TFAP2D: variants seen among roughly 807,000 people sequenced by gnomAD.
The protein encoded by TFAP2D is transcription factor AP-2 delta, also known as transcription factor AP-2-delta.
Under a neutral mutation model 43.6 loss-of-function variants are expected in TFAP2D, and 9 were observed. The ratio of observed to expected loss-of-function variants is 0.21; its 90% CI spans 0.12 to 0.36. The LOEUF (loss-of-function observed/expected upper bound fraction) is 0.36. TFAP2D is among the 10% of genes least tolerant of loss of function. The pLI is 1.00. For synonymous variants in TFAP2D, 256 were observed against 224.9 expected, an observed-to-expected ratio of 1.14 and a Z score of -1.24; for missense variants, 513 against 561.4, an observed-to-expected ratio of 0.91 and a Z score of 0.87.
chr6:50,741,311 A>G (rs1398036681), intron 5 of TFAP2D, among the ~76,000 whole-genome samples: 1 of 152,170 alleles, frequency 6.6e-6, no homozygotes, highest in African/African-American at 2.4e-5. Flanking sequence ...TTTTAAGTTC[A>G]GGGGTACAAA....
intron 5 of TFAP2D, among the ~76,000 whole-genome samples, chr6:50,741,003 G>A (rs1769035745): frequency 6.6e-6 from 1 of 151,848 alleles, no homozygotes; most frequent in African/African-American, 2.4e-5. Context: ...AAATCAACGA[G>A]CAAATTTATC....
chr6:50,766,349 T>C (rs1462710870), intron 7 of TFAP2D, among the ~76,000 whole-genome samples: 1 of 152,194 alleles, frequency 6.6e-6, no homozygotes, highest in Non-Finnish European at 1.5e-5. Flanking sequence ...ATTTAGGGTC[T>C]TTCATGGTTC....
rs1441062524 is a variant in TFAP2D, at chr6:50,772,896, C to T, written c.*32C>T. 1 of 1,567,918 alleles carries T rather than the reference C, an allele frequency of 6.4e-7. No individual in the cohort carries two copies. Among genetic ancestry groups the T allele is most frequent in the Non-Finnish European group, 8.7e-7 (1 of 1,153,386 alleles). On this transcript the variant is annotated 3_prime_UTR_variant, in exon 8 of 8. Transcript: ENST00000008391. ...CAAACAGAATCTATTTCCAGAGAGTCTTGCTGCTGATATTTTTTCTAATAT... is the reference window on the plus strand; with the variant it reads ...CAAACAGAATCTATTTCCAGAGAGTTTTGCTGCTGATATTTTTTCTAATAT...
chr6:50,763,751 T>C (rs889325863), intron 7 of TFAP2D, among the ~76,000 whole-genome samples: 2 of 152,100 alleles, frequency 1.3e-5, no homozygotes, highest in African/African-American at 4.8e-5. Context: ...AAGCCAGTCA[T>C]GAAAGTCTAT....
chr6:50,744,380 T>A (rs1581770037), intron 5 of TFAP2D, among the ~76,000 whole-genome samples: 1 of 151,952 alleles, frequency 6.6e-6, no homozygotes, highest in East Asian at 1.9e-4. Context: ...TCATTCTGTT[T>A]CTGGCTGCAT....
At chr6:50,725,147 A>G (rs1251664992) in intron 3 of TFAP2D, among the ~76,000 whole-genome samples, 1 of 152,176 alleles carries the variant, frequency 6.6e-6, no homozygotes, top group African/African-American at 2.4e-5. Flanking sequence ...TGCTTCTTCA[A>G]ACCGAATAAG....
rs1768569302 is a variant in TFAP2D, at chr6:50,713,910, GC to G, written c.-145del. On this transcript the variant is annotated 5_prime_UTR_variant, in exon 1 of 8. It removes the in-frame stop codon of an upstream open reading frame in the 5' UTR. Transcript: ENST00000008391. ...CGAGGCAAGGAGCTATCTGATCCGGGCAAAACCATTACAATTTAGATATCTA... is the reference window on the plus strand; with the variant it reads ...CGAGGCAAGGAGCTATCTGATCCGGGAAAACCATTACAATTTAGATATCTA... 7.8e-7 allele frequency: 1 copy of G among 1,281,690 alleles called. No homozygotes were observed. The highest frequency in any genetic ancestry group is 1.1e-6 in the Non-Finnish European group (1 of 903,612). The allele number at this position is 1,281,690 out of a possible 1,614,324, so 79.4% of individuals were successfully genotyped here. A position where few individuals can be genotyped will look rare whatever the true frequency, so the allele number is the denominator to read the frequency against.
At chr6:50,726,827 G>A (rs553887242) in intron 3 of TFAP2D, among the ~76,000 whole-genome samples, 1 of 152,244 alleles carries the variant, frequency 6.6e-6, no homozygotes, top group African/African-American at 2.4e-5. Flanking sequence ...CCAGGAATCT[G>A]GGGGAACATT....
chr6:50,720,519 AC>A (rs1768703039), intron 3 of TFAP2D, among the ~76,000 whole-genome samples: 2 of 151,522 alleles, frequency 1.3e-5, no homozygotes, highest in Non-Finnish European at 2.9e-5. Flanking sequence ...ACACACACAC[AC>A]ACACACACAC....
At chr6:50,722,510 T>A (rs964140712) in intron 3 of TFAP2D, among the ~76,000 whole-genome samples, 3 of 152,062 alleles carry the variant, frequency 2.0e-5, no homozygotes, top group Non-Finnish European at 4.4e-5. Flanking sequence ...AAAATCTCAC[T>A]CTTTTTTTCC....
In TFAP2D at chr6:50,772,917, A is replaced by AAG; in HGVS notation, c.*54_*55insGA. 1.3e-6 allele frequency: 2 copies of AAG among 1,501,354 alleles called. No homozygotes were observed. The highest frequency in any genetic ancestry group is 1.8e-6 in the Non-Finnish European group (2 of 1,103,858). The allele number at this position is 1,501,354 out of a possible 1,614,324, so 93.0% of individuals were successfully genotyped here. On this transcript the variant is annotated 3_prime_UTR_variant, in exon 8 of 8. Coordinates refer to ENST00000008391, the MANE Select transcript of TFAP2D (RefSeq NM_172238.4). ...GAGTCTTGCTGCTGATATTTTTTCT[A>AAG]ATATATATATCATTGAGGGTGACTA...
At chr6:50,737,997 C>T (rs571407290) in intron 5 of TFAP2D, among the ~76,000 whole-genome samples, 1 of 152,140 alleles carries the variant, frequency 6.6e-6, no homozygotes, top group East Asian at 1.9e-4. Flanking sequence ...GGCAGATTCT[C>T]CTTAATAGTG....
intron 3 of TFAP2D, among the ~76,000 whole-genome samples, chr6:50,719,495 A>AAGAAAGAAAGAC (rs1554151965): frequency 4.4e-4 from 58 of 132,724 alleles, no homozygotes; most frequent in African/African-American, 1.5e-3. Context: ...GAAAGAAAGA[A>AAGAAAGAAAGAC]AGAAAGAAGT....
chr6:50,729,134 C>T, intron 4 of TFAP2D, 60 bp from the exon 5 acceptor site: 1 of 1,606,298 alleles, frequency 6.2e-7, no homozygotes, highest in Middle Eastern at 1.7e-4. Context: ...GTCAAGTCGT[C>T]TCATAATTTT....
At chr6:50,760,393 A>T (rs1769347305) in intron 7 of TFAP2D, among the ~76,000 whole-genome samples, 1 of 152,032 alleles carries the variant, frequency 6.6e-6, no homozygotes, top group Non-Finnish European at 1.5e-5. Context: ...AACCAATTAA[A>T]TCAGGGTCTT....
At chr6:50,751,042 C>A (rs2113886024) in intron 6 of TFAP2D, among the ~76,000 whole-genome samples, 169 bp from the exon 7 acceptor site, 1 of 152,058 alleles carries the variant, frequency 6.6e-6, no homozygotes, top group East Asian at 1.9e-4. Context: ...AGCAAAGTCA[C>A]CATTATGAAA....
chr6:50,766,516 G>C (rs72876531), intron 7 of TFAP2D, among the ~76,000 whole-genome samples: 1 of 151,818 alleles, frequency 6.6e-6, no homozygotes, highest in Non-Finnish European at 1.5e-5. Flanking sequence ...CCATTCATTC[G>C]TGCCTTCTTT....
intron 5 of TFAP2D, among the ~76,000 whole-genome samples, chr6:50,730,896 A>G (rs1384722228): frequency 1.3e-5 from 2 of 152,098 alleles, no homozygotes; most frequent in Admixed American, 6.6e-5. Flanking sequence ...ATGATTGTGT[A>G]TGAATGCTCA....
chr6:50,731,435 C>T (rs528949856), intron 5 of TFAP2D, among the ~76,000 whole-genome samples: 1 of 142,986 alleles, frequency 7.0e-6, no homozygotes, highest in African/African-American at 2.7e-5. Context: ...GTAAGACCCT[C>T]AAACCCACTT....
Sources: allele counts gnomAD v4.1 joint callset (sites outside exome capture counted in the v4.1 genomes callset), GRCh38; gene constraint gnomAD v4.1.1; transcripts MANE v1.5; gene names NCBI Gene and HGNC (gene_info 2026-07-23, HGNC 2026-07-21).